DOCK3: variants seen among roughly 807,000 people sequenced by gnomAD.
DOCK3 encodes dedicator of cytokinesis protein 3.
DOCK3 carries 60 observed loss-of-function variants against 265.6 expected under a neutral mutation model. The ratio of observed to expected loss-of-function variants is 0.23; its 90% confidence interval spans 0.18 to 0.28. DOCK3 has a LOEUF of 0.28. Among genes scored for constraint, DOCK3 ranks in the 10% least tolerant of loss-of-function variants. The pLI is 1.00. For synonymous variants in DOCK3, 881 were observed against 938.0 expected, an observed-to-expected ratio of 0.94 and a Z score of 1.11; for missense variants, 1,981 against 2,594.3, an observed-to-expected ratio of 0.76 and a Z score of 5.14.
At position 50,841,658 on chromosome 3, in the gene DOCK3, C is replaced by T; in HGVS notation, c.122-17C>T. Reference sequence around the variant, plus strand: ...CATGACATTGTGATTTTAATATTCTCTTATGCTTTGTTTTAGGTTGGTACA... The same window carrying T: ...CATGACATTGTGATTTTAATATTCTTTTATGCTTTGTTTTAGGTTGGTACA... On this transcript the variant is annotated splice_polypyrimidine_tract_variant and intron_variant, in intron 2 of 52. Coordinates refer to ENST00000266037, the MANE Select transcript of DOCK3 (RefSeq NM_004947.5). 1.5e-6 allele frequency: 2 copies of T among 1,292,286 alleles called. No homozygotes were observed. Among genetic ancestry groups the T allele is most frequent in the Non-Finnish European group, 2.1e-6 (2 of 973,584 alleles). The allele number at this position is 1,292,286 out of a possible 1,614,324, so 80.1% of individuals were successfully genotyped here.
chr3:50,742,207 A>G (rs950680528), intron 1 of DOCK3, among the ~76,000 whole-genome samples: 2 of 152,192 alleles, frequency 1.3e-5, no homozygotes, highest in East Asian at 1.9e-4. Context: ...CATCACCATC[A>G]TCAAAGACCA....
intron 2 of DOCK3, among the ~76,000 whole-genome samples, chr3:50,837,127 A>G (rs2107198854): frequency 6.6e-6 from 1 of 152,326 alleles, no homozygotes; most frequent in South Asian, 2.1e-4. Flanking sequence ...AGGAAGTTCC[A>G]GACTTTTCCA....
chr3:51,341,182 C>T, intron 37 of DOCK3, 55 bp from the exon 38 acceptor site: 1 of 1,515,622 alleles, frequency 6.6e-7, no homozygotes. Flanking sequence ...CCAGGCTGCT[C>T]CTGGGCCTCT....
At chr3:51,321,454 G>T (rs1368134574) in intron 32 of DOCK3, among the ~76,000 whole-genome samples, 2 of 152,144 alleles carry the variant, frequency 1.3e-5, no homozygotes, top group East Asian at 3.9e-4. Flanking sequence ...GCCAGCAAGG[G>T]AACAAACCTG....
chr3:50,999,615 C>G (rs938637841), intron 5 of DOCK3, among the ~76,000 whole-genome samples: 23 of 152,144 alleles, frequency 1.5e-4, no homozygotes, highest in Admixed American at 3.3e-4. Context: ...TCTTGGTACT[C>G]AGGATTCACA....
intron 7 of DOCK3, among the ~76,000 whole-genome samples, chr3:51,085,167 A>G (rs1050152570): frequency 6.6e-6 from 1 of 152,240 alleles, no homozygotes; most frequent in African/African-American, 2.4e-5. Context: ...CACAGCACCC[A>G]GATATATAAG....
At chr3:51,187,736 G>T (rs1576353815) in intron 12 of DOCK3, among the ~76,000 whole-genome samples, 1 of 141,770 alleles carries the variant, frequency 7.1e-6, no homozygotes, top group South Asian at 2.3e-4. Flanking sequence ...AAAAACGGGA[G>T]TTTCTCTGCA....
intron 23 of DOCK3, among the ~76,000 whole-genome samples, chr3:51,261,221 C>T (rs1274240445): frequency 6.6e-6 from 1 of 151,580 alleles, no homozygotes; most frequent in African/African-American, 2.4e-5. Flanking sequence ...GTACCCGGCT[C>T]ATCTCATTGG....
rs1449864177 is a variant in DOCK3, at chr3:51,382,411, G to A, written c.*852G>A. Reference sequence around the variant, plus strand: ...GCTATCCTAGCTACCTTCCTCCTAGGGGGAGCTGGTCCCCTTCCTATGTGG... The same window carrying A: ...GCTATCCTAGCTACCTTCCTCCTAGAGGGAGCTGGTCCCCTTCCTATGTGG... On this transcript the variant is annotated 3_prime_UTR_variant, in exon 53 of 53. Coordinates refer to ENST00000266037, the MANE Select transcript of DOCK3 (RefSeq NM_004947.5). 2.6e-5 allele frequency: 4 copies of A among 152,610 alleles called. No individual in the cohort carries two copies. The highest frequency in any genetic ancestry group is 4.4e-5 in the Non-Finnish European group (3 of 68,076). The allele number at this position is 152,610 out of a possible 1,614,324, so 9.5% of individuals were successfully genotyped here.
At chr3:51,347,603 G>T (rs1313955269) in intron 38 of DOCK3, among the ~76,000 whole-genome samples, 1 of 152,170 alleles carries the variant, frequency 6.6e-6, no homozygotes, top group African/African-American at 2.4e-5. Context: ...TTTTGCTTAG[G>T]ATTGTCTTGG....
intron 1 of DOCK3, chr3:50,720,089 A>G (rs1000655938): frequency 5.9e-6 from 1 of 168,928 alleles, no homozygotes; most frequent in Non-Finnish European, 1.3e-5. Context: ...GCTCTAGAAT[A>G]GTGTTTGTCA....
At chr3:51,294,557 AGT>A (rs369456110) in intron 27 of DOCK3, among the ~76,000 whole-genome samples, 74 of 152,228 alleles carry the variant, frequency 4.9e-4, no homozygotes, top group African/African-American at 1.8e-3. Flanking sequence ...AGGTACCTGT[AGT>A]CCCAGCTACT....
intron 4 of DOCK3, among the ~76,000 whole-genome samples, chr3:50,918,405 A>G (rs2050249196): frequency 6.6e-6 from 1 of 152,122 alleles, no homozygotes; most frequent in South Asian, 2.1e-4. Flanking sequence ...ATTTCTCCAC[A>G]TCCTCTCCAG....
At chr3:50,955,748 C>T (rs1452128910) in intron 5 of DOCK3, among the ~76,000 whole-genome samples, 7 of 151,972 alleles carry the variant, frequency 4.6e-5, no homozygotes, top group Admixed American at 2.6e-4. Context: ...GCTTAGAACC[C>T]GGGTGATGAA....
intron 1 of DOCK3, among the ~76,000 whole-genome samples, chr3:50,752,129 A>G (rs937865929): frequency 2.0e-5 from 3 of 152,174 alleles, no homozygotes; most frequent in African/African-American, 7.2e-5. Context: ...AGGTTGTCAA[A>G]TAGAAAATAT....
intron 5 of DOCK3, among the ~76,000 whole-genome samples, chr3:50,936,465 G>A (rs147991793): frequency 7.0e-4 from 107 of 151,882 alleles, no homozygotes; most frequent in African/African-American, 2.4e-3. Flanking sequence ...GAAGCTTAGT[G>A]AACTCCAAAT....
At chr3:51,108,519 A>T (rs1202690173) in intron 9 of DOCK3, among the ~76,000 whole-genome samples, 1 of 152,198 alleles carries the variant, frequency 6.6e-6, no homozygotes, top group Admixed American at 6.5e-5. Flanking sequence ...CGAACACAGG[A>T]TAAAATTTAC....
At chr3:51,066,773 A>G (rs1320614905) in intron 6 of DOCK3, among the ~76,000 whole-genome samples, 2 of 152,206 alleles carry the variant, frequency 1.3e-5, no homozygotes, top group Non-Finnish European at 2.9e-5. Context: ...AAGAGGAAAT[A>G]TAACACTAAA....
chr3:51,192,488 A>G (rs1286381716), intron 12 of DOCK3, among the ~76,000 whole-genome samples: 1 of 152,008 alleles, frequency 6.6e-6, no homozygotes, highest in African/African-American at 2.4e-5. Context: ...AACCCCACCC[A>G]GCACTGGAAC....
Sources: allele counts gnomAD v4.1 joint callset (sites outside exome capture counted in the v4.1 genomes callset), GRCh38; gene constraint gnomAD v4.1.1; transcripts MANE v1.5; gene names NCBI Gene and HGNC (gene_info 2026-07-23, HGNC 2026-07-21).